Variants in PCDHA7 observed in about 807,000 individuals in gnomAD.
PCDHA7 encodes the protein protocadherin alpha 7.
Under a neutral mutation model 57.2 loss-of-function variants are expected in PCDHA7, and 37 were observed. That is an observed-to-expected ratio of 0.65 (90% CI 0.50 to 0.85). PCDHA7 has a LOEUF of 0.85. Among genes scored for constraint, PCDHA7 ranks in the 40% least tolerant of loss-of-function variants. PCDHA7 has a pLI of 0.00. For synonymous variants in PCDHA7, 553 were observed against 558.8 expected, an observed-to-expected ratio of 0.99 and a Z score of 0.15; for missense variants, 1,188 against 1,241.8, an observed-to-expected ratio of 0.96 and a Z score of 0.65.
At chr5:140,842,538 C>T (rs1554139153) in intron 1 of PCDHA7, 6 of 1,611,596 alleles carry the variant, frequency 3.7e-6, no homozygotes, top group South Asian at 1.1e-5. Context: ...AATTACTACT[C>T]GTTGGTGCTG....
At chr5:140,853,743 T>C (rs1258118631) in intron 1 of PCDHA7, 2 of 988,454 alleles carry the variant, frequency 2.0e-6, no homozygotes, top group African/African-American at 1.8e-5. Context: ...AATGTTCTGG[T>C]TCAAGGCTCC....
intron 3 of PCDHA7, among the ~76,000 whole-genome samples, chr5:140,984,056 G>A (rs569184437): frequency 6.6e-6 from 1 of 152,318 alleles, no homozygotes; most frequent in African/African-American, 2.4e-5. Context: ...TGACAAATCT[G>A]TACCCTCAGT....
intron 1 of PCDHA7, among the ~76,000 whole-genome samples, chr5:140,945,624 C>T (rs1248945489): frequency 6.6e-6 from 1 of 152,028 alleles, no homozygotes; most frequent in African/African-American, 2.4e-5. Flanking sequence ...ATGGTACTGG[C>T]ATAAAAGACA....
Position 140,843,376 on chromosome 5 carries a change from C to A in PCDHA7, c.2355+6638C>A, listed in dbSNP as rs1554140003. The stretch of plus-strand genomic sequence containing the variant: ...AAGCGTCATCGAGGCAGTCGGCTGG[C>A]GTTTTGGGTCCGGAAGCGGCGCTGG... On this transcript the variant is annotated intron_variant, in intron 1 of 3. Transcript: ENST00000525929. The A allele has an allele frequency of 5.0e-6, 8 of 1,595,956 alleles. 1 individual carries two copies. Among genetic ancestry groups the A allele is most frequent in the Middle Eastern group, 3.3e-4 (2 of 6,012 alleles).
At chr5:140,862,839 G>A in intron 1 of PCDHA7, 1 of 574,670 alleles carries the variant, frequency 1.7e-6, no homozygotes, top group Non-Finnish European at 3.3e-6. Flanking sequence ...ACGCGGGCAT[G>A]CCGCCTCTGA....
chr5:140,967,691 A>G (rs1586235214), intron 1 of PCDHA7: 1 of 1,614,162 alleles, frequency 6.2e-7, no homozygotes, highest in East Asian at 2.2e-5. Flanking sequence ...GCAGCTCTTC[A>G]GCATAGATGC....
chr5:140,989,422 TG>T (rs1554250798), intron 3 of PCDHA7, among the ~76,000 whole-genome samples: 2 of 152,128 alleles, frequency 1.3e-5, no homozygotes, highest in African/African-American at 4.8e-5. Flanking sequence ...CTTCACTCTG[TG>T]GGAAAAATTG....
Position 140,841,426 on chromosome 5 carries a change from C to A in PCDHA7, c.2355+4688C>A, listed in dbSNP as rs17844313. 720 of 1,612,904 alleles carry A rather than the reference C, an allele frequency of 4.5e-4. 14 individuals are homozygous for A. The East Asian group carries it at 5.0e-3, about 11-fold the overall frequency. ...GGAGCGGCCAGCTCCACTACTCCGT[C>A]CCCGAGGAGGCCAAACACGGCACCT... On this transcript the variant is annotated intron_variant, in intron 1 of 3. Coordinates refer to ENST00000525929, the MANE Select transcript of PCDHA7 (RefSeq NM_018910.3).
intron 1 of PCDHA7, chr5:140,967,572 A>T (rs782502082): frequency 4.3e-6 from 7 of 1,613,544 alleles, no homozygotes; most frequent in Middle Eastern, 3.3e-4. Flanking sequence ...CTACGGGAGG[A>T]CTCACCCCCA....
intron 1 of PCDHA7, among the ~76,000 whole-genome samples, chr5:140,846,792 C>A (rs1780678433): frequency 6.7e-6 from 1 of 149,422 alleles, no homozygotes. Context: ...TACTGAGCCC[C>A]AGCCCCTGGC....
chr5:140,975,126 A>G (rs1334807357), intron 1 of PCDHA7, among the ~76,000 whole-genome samples: 6 of 152,074 alleles, frequency 3.9e-5, no homozygotes, highest in Admixed American at 2.6e-4. Flanking sequence ...CCTACTTACT[A>G]TTGGCCTGGG....
intron 1 of PCDHA7, chr5:140,856,002 G>C: frequency 6.5e-7 from 1 of 1,534,758 alleles, no homozygotes; most frequent in South Asian, 1.2e-5. Context: ...TCGTATGTGC[G>C]TTCTAGACCG....
At chr5:140,955,207 G>A (rs2153705473) in intron 1 of PCDHA7, among the ~76,000 whole-genome samples, 1 of 152,290 alleles carries the variant, frequency 6.6e-6, no homozygotes, top group South Asian at 2.1e-4. Context: ...CAATCAAGTA[G>A]CATGATGCCT....
chr5:140,946,916 T>C (rs1554217963), intron 1 of PCDHA7, among the ~76,000 whole-genome samples: 4 of 151,468 alleles, frequency 2.6e-5, no homozygotes, highest in Non-Finnish European at 5.9e-5. Context: ...GTTCTGGTGT[T>C]TTATTGAACA....
chr5:140,880,707 G>A (rs1017608107), intron 1 of PCDHA7, among the ~76,000 whole-genome samples: 2 of 152,180 alleles, frequency 1.3e-5, no homozygotes, highest in East Asian at 3.8e-4. Context: ...TGACAATGTT[G>A]AGCAGCTTAA....
intron 1 of PCDHA7, chr5:140,863,499 T>G: frequency 2.3e-6 from 1 of 434,624 alleles, no homozygotes; most frequent in Non-Finnish European, 4.6e-6. Context: ...CATTACGGCT[T>G]TTAGTCCTAG....
intron 1 of PCDHA7, among the ~76,000 whole-genome samples, chr5:140,931,683 A>C (rs1482331530): frequency 6.6e-6 from 1 of 151,950 alleles, no homozygotes; most frequent in Non-Finnish European, 1.5e-5. Flanking sequence ...AAATAAATGA[A>C]TTGTGATTCA....
At chr5:140,860,381 A>C (rs550712376) in intron 1 of PCDHA7, 4 of 152,246 alleles carry the variant, frequency 2.6e-5, no homozygotes, top group African/African-American at 9.6e-5. Context: ...ACCCTATTTC[A>C]AAAATTGAAA....
chr5:140,954,909 T>C (rs1309101151), intron 1 of PCDHA7, among the ~76,000 whole-genome samples: 3 of 152,164 alleles, frequency 2.0e-5, no homozygotes, highest in Admixed American at 6.5e-5. Flanking sequence ...TTTCATACTT[T>C]TATGAATTAC....
Sources: allele counts gnomAD v4.1 joint callset (sites outside exome capture counted in the v4.1 genomes callset), GRCh38; gene constraint gnomAD v4.1.1; transcripts MANE v1.5; gene names NCBI Gene and HGNC (gene_info 2026-07-23, HGNC 2026-07-21).